LIG1: variants seen among roughly 807,000 people sequenced by gnomAD.
LIG1 encodes ligase I, DNA, ATP-dependent.
LIG1 carries 70 observed loss-of-function variants against 115.7 expected under a neutral mutation model. The ratio of observed to expected loss-of-function variants is 0.60; its 90% CI spans 0.50 to 0.74. The LOEUF (loss-of-function observed/expected upper bound fraction) is 0.74. LIG1 is among the 30% of genes least tolerant of loss of function. The probability of loss-of-function intolerance (pLI) is 0.00; values close to 1 mark genes in which losing one functional copy is unlikely to be tolerated. For missense variants in LIG1, 1,115 were observed against 1,225.6 expected, an observed-to-expected ratio of 0.91 and a Z score of 1.35; for synonymous variants, 487 against 495.3, an observed-to-expected ratio of 0.98 and a Z score of 0.22.
chr19:48,143,759 C>A, intron 10 of LIG1, 124 bp downstream of exon 10: 1 of 1,085,176 alleles, frequency 9.2e-7, no homozygotes, highest in Non-Finnish European at 1.4e-6. Context: ...TTCAATGCTG[C>A]TGATTGTCGC....
At position 48,115,795 on chromosome 19, in the gene LIG1, T is replaced by C. The variant is rs1469378016; in HGVS notation, c.2677-63A>G. On this transcript the variant is annotated intron_variant, in intron 27 of 27. Transcript: ENST00000263274. ...CCTGGCTGCTCCCACCTCCACAAGG[T>C]TCCAGAGAGGCCACCACGCTAAAAA... is the stretch of plus-strand genomic sequence containing the variant. 3.2e-6 allele frequency: 5 copies of C among 1,580,918 alleles called. No homozygotes were observed. In the African/African-American group the frequency reaches 6.7e-5, roughly 21 times the overall value.
intron 21 of LIG1, 61 bp downstream of exon 21, chr19:48,127,212 GCTGC>G (rs1333150364): frequency 2.3e-5 from 30 of 1,314,854 alleles, no homozygotes; most frequent in Non-Finnish European, 3.3e-5. Flanking sequence ...CAGAGGGGCA[GCTGC>G]CAGGCTCACA....
In LIG1 at chr19:48,123,283, C is replaced by G. The variant is rs568934454; in HGVS notation, c.2040G>C (p.Gln680His). ...LVREPLSRRR[Q>H]LLRENFVETE... is the part of the protein sequence containing the mutation. ...TCTCCACAAAGTTCTCCCGGAGCAG[C>G]TGCCGGCGCCGGGAAAGGGGCTCAC... Residue 680 changes from glutamine to histidine, a missense_variant, in exon 22 of 28, where the codon CAG becomes CAC. By Grantham distance (24) the Gln-to-His change is conservative (BLOSUM62 0). Transcript: ENST00000263274. The G allele has an allele frequency of 9.9e-6, 16 of 1,614,034 alleles. No homozygotes were observed. In the East Asian group the frequency reaches 3.3e-4, roughly 34 times the overall value.
intron 3 of LIG1, 71 bp downstream of exon 3, chr19:48,162,191 G>C (rs1047300854): frequency 2.1e-6 from 3 of 1,424,130 alleles, no homozygotes; most frequent in South Asian, 2.3e-5. Flanking sequence ...CATTAGGTTT[G>C]AACACTTGCA....
Position 48,149,839 on chromosome 19 carries a change from G to T in LIG1, c.700C>A (p.Pro234Thr). ...TCTTTTTTGACTGCTGGCTTCCGGG[G>T]GGCTAGGAATGAAGACAGAAAACAG... The part of the protein sequence containing the change: ...APKTLSSFFT[P>T]RKPAVKKEVK... Residue 234 changes from proline to threonine, a missense_variant and splice_region_variant, in exon 9 of 28, where the codon CCC (proline) becomes ACC (threonine). Coordinates refer to ENST00000263274, the MANE Select transcript of LIG1 (RefSeq NM_000234.3). The T allele has an allele frequency of 6.2e-7, 1 of 1,613,752 alleles. No individual in the cohort carries two copies. The highest frequency in any genetic ancestry group is 1.1e-5 in the South Asian group (1 of 91,020).
At chr19:48,168,192 C>T (rs1036695149) in intron 1 of LIG1, among the ~76,000 whole-genome samples, 1 of 152,166 alleles carries the variant, frequency 6.6e-6, no homozygotes, top group African/African-American at 2.4e-5. Flanking sequence ...GACTGAGTTG[C>T]AAGGGAAGGA....
In LIG1 at chr19:48,115,629, G is replaced by C. The variant is rs376380542; in HGVS notation, c.*20C>G. On this transcript the variant is annotated 3_prime_UTR_variant, in exon 28 of 28. Transcript: ENST00000263274. ...CCGTCCAACTCATGCCCTGTACCCA[G>C]GCCCTAGGAGGGCGAGGGCTTAGTA... 1.9e-6 allele frequency: 3 copies of C among 1,562,276 alleles called. No homozygotes were observed. The highest frequency in any genetic ancestry group is 1.7e-5 in the Admixed American group (1 of 59,968).
At chr19:48,159,371 G>A (rs1334291631) in intron 4 of LIG1, among the ~76,000 whole-genome samples, 1 of 152,054 alleles carries the variant, frequency 6.6e-6, no homozygotes, top group Non-Finnish European at 1.5e-5. Context: ...TGCCTGGCCA[G>A]ATGAATATTT....
At chr19:48,142,078 G>A (rs1047789314) in intron 11 of LIG1, among the ~76,000 whole-genome samples, 4 of 152,026 alleles carry the variant, frequency 2.6e-5, no homozygotes, top group African/African-American at 7.2e-5. Flanking sequence ...GAGGCGGGCC[G>A]ATCACTTGAG....
At chr19:48,131,003 C>CTCTA (rs1437038704) in intron 19 of LIG1, 73 bp downstream of exon 19, 3 of 1,231,450 alleles carry the variant, frequency 2.4e-6, no homozygotes, top group Non-Finnish European at 3.6e-6. Context: ...CCACACTGGC[C>CTCTA]TAGATGGGCC....
chr19:48,147,579 G>A (rs1322177170), intron 9 of LIG1, among the ~76,000 whole-genome samples: 1 of 151,866 alleles, frequency 6.6e-6, no homozygotes, highest in Non-Finnish European at 1.5e-5. Flanking sequence ...AGGCTGAGGT[G>A]GGAGGATCCC....
Position 48,118,534 on chromosome 19 carries a change from CTT to C in LIG1, c.2439+601_2439+602del, listed in dbSNP as rs143277427. On this transcript the variant is annotated intron_variant, in intron 25 of 27. Coordinates refer to ENST00000263274, the MANE Select transcript of LIG1 (RefSeq NM_000234.3). ...AGGAAACCTCTCTTTATAAATGATC[CTT>C]TTTTTTTTTTTTTTTTTTTTGAGAC... The C allele has an allele frequency of 9.1e-3, 888 of 97,256 alleles. 7 individuals carry two copies. The highest frequency in any genetic ancestry group is 0.035 in the African/African-American group (815 of 23,148). The allele number at this position is 97,256 out of a possible 1,614,324, so 6.0% of individuals were successfully genotyped here. A position where few individuals can be genotyped will look rare whatever the true frequency, so the allele number is the denominator to read the frequency against.
intron 4 of LIG1, among the ~76,000 whole-genome samples, chr19:48,160,613 A>G (rs755177640): frequency 4.6e-5 from 7 of 152,224 alleles, no homozygotes; most frequent in Non-Finnish European, 8.8e-5. Context: ...CATCATCCAC[A>G]AAGCAATGAA....
intron 12 of LIG1, among the ~76,000 whole-genome samples, chr19:48,139,727 C>T (rs1334808032): frequency 6.6e-6 from 1 of 152,150 alleles, no homozygotes; most frequent in Non-Finnish European, 1.5e-5. Flanking sequence ...CCAGCCCTCC[C>T]CTTCCCTGCA....
chr19:48,133,904 T>C, intron 17 of LIG1, 77 bp downstream of exon 17: 1 of 1,243,820 alleles, frequency 8.0e-7, no homozygotes, highest in Non-Finnish European at 1.2e-6. Flanking sequence ...GAGGGGCGCC[T>C]ACGATGGCCA....
chr19:48,159,443 C>G (rs138701164), intron 4 of LIG1, among the ~76,000 whole-genome samples: 90 of 152,310 alleles, frequency 5.9e-4, no homozygotes, highest in African/African-American at 2.0e-3. Flanking sequence ...TTCCTAGCTC[C>G]CCAGAAGCCT....
chr19:48,136,088 G>T lies in LIG1; in HGVS notation c.1369C>A (p.Gln457Lys). 6.4e-7 allele frequency: 1 copy of T among 1,573,890 alleles called. No homozygotes were observed. Among genetic ancestry groups the T allele is most frequent in the Non-Finnish European group, 8.6e-7 (1 of 1,159,966 alleles). ...TGGGAGAGGGCAGCCAGCACCGACT[G>T]CTCTGCCAGCCCAAGGCGCAGCCGT... is the stretch of plus-strand genomic sequence containing the variant. Reference protein sequence around the residue: ...SGRLRLGLAEQSVLAALSQAV... With the variant: ...SGRLRLGLAEKSVLAALSQAV... The change falls in exon 15 of 28, where the codon CAG becomes AAG. Residue 457 changes from glutamine (Q) to lysine (K), a missense_variant. Coordinates refer to ENST00000263274, the MANE Select transcript of LIG1 (RefSeq NM_000234.3).
At chr19:48,167,433 G>T (rs553871118) in intron 1 of LIG1, among the ~76,000 whole-genome samples, 1 of 152,030 alleles carries the variant, frequency 6.6e-6, no homozygotes, top group Admixed American at 6.6e-5. Flanking sequence ...TCTGGAATCA[G>T]TACTCTCTGT....
In LIG1 at chr19:48,115,736, C is replaced by G. The variant is rs148786962; in HGVS notation, c.2677-4G>C. On this transcript the variant is annotated splice_polypyrimidine_tract_variant and splice_region_variant and intron_variant, in intron 27 of 27. Coordinates refer to ENST00000263274, the MANE Select transcript of LIG1 (RefSeq NM_000234.3). ...GCTTCCGGTACAAACAGGCCACCTG[C>G]GGAGAGAGGGTGGGACGGGGTGGTC... 7.9e-5 allele frequency: 128 copies of G among 1,613,264 alleles called. 1 individual carries two copies. The East Asian group carries it at 2.8e-3, about 35-fold the overall frequency.
Sources: allele counts gnomAD v4.1 joint callset (sites outside exome capture counted in the v4.1 genomes callset), GRCh38; gene constraint gnomAD v4.1.1; transcripts MANE v1.5; gene names NCBI Gene and HGNC (gene_info 2026-07-23, HGNC 2026-07-21).